Variants in MYL4 observed in about 807,000 individuals in gnomAD.
The protein encoded by MYL4 is atrial myosin light chain 1.
A neutral mutation model predicts 21.6 loss-of-function variants in MYL4; 16 were observed. The ratio of observed to expected loss-of-function variants is 0.74; its 90% CI spans 0.50 to 1.12. The LOEUF (loss-of-function observed/expected upper bound fraction) is 1.12. Ranked by LOEUF, MYL4 falls within the 50% of genes most tolerant of loss-of-function variation. The pLI is 0.00. For missense variants in MYL4, 249 were observed against 252.9 expected, an observed-to-expected ratio of 0.98 and a Z score of 0.11; for synonymous variants, 82 against 95.7, an observed-to-expected ratio of 0.86 and a Z score of 0.83.
At chr17:47,209,671 C>T (rs772523208) in intron 1 of MYL4, 114 bp downstream of exon 1, 139 of 1,527,212 alleles carry the variant, frequency 9.1e-5, no homozygotes, top group Non-Finnish European at 1.2e-4. Context: ...ACTAGGGTGT[C>T]CATGCCCCAG....
chr17:47,207,212 T>G (rs2064732821), upstream of MYL4, among the ~76,000 whole-genome samples: 1 of 152,162 alleles, frequency 6.6e-6, no homozygotes, highest in African/African-American at 2.4e-5. Flanking sequence ...CCTGGCCCTT[T>G]TTCCTGCCCG....
upstream of MYL4, among the ~76,000 whole-genome samples, chr17:47,195,478 CT>C (rs1156977503): frequency 6.6e-6 from 1 of 152,156 alleles, no homozygotes; most frequent in Admixed American, 6.5e-5. Flanking sequence ...ATCTGCCCGC[CT>C]TGGCCTCCCA....
upstream of MYL4, among the ~76,000 whole-genome samples, chr17:47,198,089 A>G (rs1420904426): frequency 1.3e-5 from 2 of 152,206 alleles, no homozygotes; most frequent in Non-Finnish European, 2.9e-5. Context: ...GATTATGTGC[A>G]TTGGAGGAGA....
chr17:47,210,987 G>A (rs1033557263), intron 1 of MYL4, among the ~76,000 whole-genome samples: 1 of 151,988 alleles, frequency 6.6e-6, no homozygotes, highest in African/African-American at 2.4e-5. Context: ...CCTTGTCCCT[G>A]GTGTCTGGGC....
At chr17:47,216,699 C>CT (rs923998966) in intron 2 of MYL4, among the ~76,000 whole-genome samples, 24 of 145,764 alleles carry the variant, frequency 1.6e-4, no homozygotes, top group Middle Eastern at 7.1e-3. Context: ...CTTTTTCTTT[C>CT]TTTTTTTTTT....
upstream of MYL4, among the ~76,000 whole-genome samples, chr17:47,208,361 A>C (rs901699472): frequency 6.6e-6 from 1 of 152,132 alleles, no homozygotes; most frequent in Admixed American, 6.6e-5. Flanking sequence ...TTGAGCCAGG[A>C]AAGACGAGGC....
At chr17:47,207,621 C>G (rs1037144292), upstream of MYL4, among the ~76,000 whole-genome samples, 2 of 152,080 alleles carry the variant, frequency 1.3e-5, no homozygotes, top group African/African-American at 4.8e-5. Flanking sequence ...CCTAGAAAGG[C>G]GAAGTGATTT....
At chr17:47,215,505 T>G (rs982571444) in intron 2 of MYL4, among the ~76,000 whole-genome samples, 4 of 152,224 alleles carry the variant, frequency 2.6e-5, no homozygotes, top group Non-Finnish European at 1.5e-5. Context: ...TTATAATGGT[T>G]TTCTCATTGT....
chr17:47,217,998 G>A (rs1343180594), intron 2 of MYL4, among the ~76,000 whole-genome samples: 1 of 143,470 alleles, frequency 7.0e-6, no homozygotes, highest in Non-Finnish European at 1.5e-5. Flanking sequence ...CCGAAATCGC[G>A]ACATTGCACT....
chr17:47,206,283 C>T (rs933978710), upstream of MYL4, among the ~76,000 whole-genome samples: 3 of 151,824 alleles, frequency 2.0e-5, no homozygotes, highest in African/African-American at 7.3e-5. Context: ...TGTTCCCATG[C>T]AGACCTGATA....
chr17:47,211,987 G>T (rs2064779211), intron 1 of MYL4, among the ~76,000 whole-genome samples: 1 of 152,182 alleles, frequency 6.6e-6, no homozygotes, highest in African/African-American at 2.4e-5. Context: ...CACTTTGGGA[G>T]GTCGAGGCAG....
intron 4 of MYL4, 149 bp from the exon 5 acceptor site, chr17:47,222,231 C>A (rs1045245863): frequency 1.2e-4 from 96 of 781,930 alleles, no homozygotes; most frequent in South Asian, 2.5e-4. Flanking sequence ...TGGCCGCACC[C>A]TTCAGAACCT....
At chr17:47,196,293 C>A (rs2064688816), upstream of MYL4, among the ~76,000 whole-genome samples, 1 of 152,158 alleles carries the variant, frequency 6.6e-6, no homozygotes, top group East Asian at 1.9e-4. Flanking sequence ...AGGAAGAGAG[C>A]CCTCACCAGA....
downstream of MYL4, among the ~76,000 whole-genome samples, chr17:47,226,231 T>C (rs1567751291): frequency 6.6e-6 from 1 of 152,222 alleles, no homozygotes; most frequent in South Asian, 2.1e-4. Context: ...ACTCCATCTA[T>C]GTAACATACA....
At chr17:47,203,571 G>T (rs2064716927) in intron 1 of MYL4, among the ~76,000 whole-genome samples, 1 of 151,678 alleles carries the variant, frequency 6.6e-6, no homozygotes, top group South Asian at 2.1e-4. Flanking sequence ...TCTTGTCCTG[G>T]TGTCATATTA....
At chr17:47,222,980 G>A (rs766226988) in intron 5 of MYL4, 34 bp from the exon 6 acceptor site, 19 of 1,614,000 alleles carry the variant, frequency 1.2e-5, no homozygotes, top group East Asian at 2.2e-5. Context: ...GAGGCGCTGA[G>A]CCACATGGTG....
chr17:47,219,843 T>C, intron 2 of MYL4, 61 bp from the exon 3 acceptor site: 8 of 1,597,320 alleles, frequency 5.0e-6, no homozygotes, highest in Non-Finnish European at 6.9e-6. Flanking sequence ...GGAGGCTGAT[T>C]GGCCACCAGC....
chr17:47,196,188 T>C (rs1001397242), upstream of MYL4, among the ~76,000 whole-genome samples: 3 of 152,176 alleles, frequency 2.0e-5, no homozygotes, highest in African/African-American at 7.2e-5. Context: ...ACAGAATTAG[T>C]GTCCTTATAA....
At chr17:47,190,762 C>T in the MYL4 span, among the ~76,000 whole-genome samples, 1 of 152,172 alleles carries the variant, frequency 6.6e-6, no homozygotes, top group African/African-American at 2.4e-5. Context: ...GGAAAGTAGC[C>T]ATTAGCTATT....
Sources: allele counts gnomAD v4.1 joint callset (sites outside exome capture counted in the v4.1 genomes callset), GRCh38; gene constraint gnomAD v4.1.1; transcripts MANE v1.5; gene names NCBI Gene and HGNC (gene_info 2026-07-23, HGNC 2026-07-21).